The following CTNND2 variants were observed in gnomAD, a reference collection of about 807,000 sequenced individuals.
CTNND2 encodes catenin delta 2.
CTNND2 carries 22 observed loss-of-function variants against 144.4 expected under a neutral mutation model. The observed-to-expected ratio is 0.15, with a 90% CI of 0.11 to 0.22. The LOEUF (loss-of-function observed/expected upper bound fraction) is 0.22. Ranked by LOEUF, CTNND2 falls within the 10% of genes least tolerant of loss-of-function variation. CTNND2 has a pLI of 1.00. For missense variants in CTNND2, 1,353 were observed against 1,618.8 expected (o/e 0.84, Z 2.82); for synonymous variants, 751 against 695.6 (o/e 1.08, Z -1.25).
At chr5:11,593,544 G>A (rs1164672601) in intron 2 of CTNND2, among the ~76,000 whole-genome samples, 1 of 152,170 alleles carries the variant, frequency 6.6e-6, no homozygotes, top group Non-Finnish European at 1.5e-5. Flanking sequence ...GGACCTGGTG[G>A]GAGGTAACTG....
rs78473080 is a variant in CTNND2, at chr5:11,715,990, C to T, written c.174+16146G>A. Among the ~76,000 whole-genome samples the T allele has an allele frequency of 2.9e-3, 434 of 152,242 alleles. 3 individuals carry two copies. Among genetic ancestry groups the T allele is most frequent in the African/African-American group, 0.01 (416 of 41,562 alleles). ...CTCTCTATCGTAGACAAGCAGACTT[C>T]GTTCAATACATAATAATGCTGGCAT... On this transcript the variant is annotated intron_variant, in intron 2 of 21. Transcript: ENST00000304623.
intron 2 of CTNND2, among the ~76,000 whole-genome samples, chr5:11,684,835 C>A (rs1441830933): frequency 6.6e-6 from 1 of 152,196 alleles, no homozygotes; most frequent in East Asian, 1.9e-4. Flanking sequence ...TCTTCAACTG[C>A]CTTAAAACAG....
At chr5:11,656,155 T>C (rs1420530836) in intron 2 of CTNND2, among the ~76,000 whole-genome samples, 1 of 152,102 alleles carries the variant, frequency 6.6e-6, no homozygotes. Flanking sequence ...AGACCCACGT[T>C]TCAAGCAAGA....
At chr5:11,551,043 C>T (rs1476215681) in intron 3 of CTNND2, among the ~76,000 whole-genome samples, 1 of 152,196 alleles carries the variant, frequency 6.6e-6, no homozygotes, top group Admixed American at 6.5e-5. Flanking sequence ...GCCACCCTCT[C>T]TAACGTGCAC....
chr5:11,014,497 A>C (rs1741407204), intron 18 of CTNND2, among the ~76,000 whole-genome samples: 1 of 152,214 alleles, frequency 6.6e-6, no homozygotes. Flanking sequence ...AGGGTGATGC[A>C]TTCTTTAGCC....
At chr5:11,522,792 T>C (rs1581404051) in intron 3 of CTNND2, among the ~76,000 whole-genome samples, 2 of 152,264 alleles carry the variant, frequency 1.3e-5, no homozygotes, top group African/African-American at 4.8e-5. Flanking sequence ...AGACACAGGT[T>C]TTTTTCTTGA....
chr5:11,449,476 T>C (rs1053297170), intron 3 of CTNND2, among the ~76,000 whole-genome samples: 8 of 152,148 alleles, frequency 5.3e-5, no homozygotes, highest in African/African-American at 1.9e-4. Context: ...ACGCTAGTTG[T>C]CTCCTACCTA....
intron 18 of CTNND2, among the ~76,000 whole-genome samples, 158 bp downstream of exon 18, chr5:11,017,816 A>AG (rs1163034581): frequency 6.6e-6 from 1 of 152,084 alleles, no homozygotes; most frequent in Non-Finnish European, 1.5e-5. Flanking sequence ...GGAGCTACTC[A>AG]GGGGACACAT....
intron 9 of CTNND2, among the ~76,000 whole-genome samples, chr5:11,270,281 GTATAGTTA>G (rs747305631): frequency 8.9e-4 from 136 of 151,958 alleles, no homozygotes; most frequent in African/African-American, 2.7e-3. Flanking sequence ...TATAATATAT[GTATAGTTA>G]TATAGTTATA....
chr5:11,397,232 G>A (rs1270669670), intron 5 of CTNND2, 29 bp from the exon 6 acceptor site: 1 of 1,597,516 alleles, frequency 6.3e-7, no homozygotes, highest in Non-Finnish European at 8.6e-7. Flanking sequence ...AGAGCAGTCA[G>A]TGACAGTCTC....
chr5:11,763,423 A>T (rs534078822), intron 1 of CTNND2, among the ~76,000 whole-genome samples: 2 of 151,774 alleles, frequency 1.3e-5, no homozygotes, highest in East Asian at 1.9e-4. Flanking sequence ...TGGACTAAAA[A>T]CTCCTGTAGG....
chr5:11,106,082 G>T (rs1311329378), intron 14 of CTNND2, among the ~76,000 whole-genome samples: 2 of 152,174 alleles, frequency 1.3e-5, no homozygotes, highest in Non-Finnish European at 2.9e-5. Flanking sequence ...TGCATGAAGT[G>T]ATAATAAAAA....
intron 1 of CTNND2, among the ~76,000 whole-genome samples, chr5:11,770,011 G>C (rs1789825044): frequency 6.6e-6 from 1 of 152,146 alleles, no homozygotes; most frequent in Admixed American, 6.5e-5. Context: ...AGAATTCAGG[G>C]GGAAAGTATG....
At position 11,438,794 on chromosome 5, in the gene CTNND2, G is replaced by A. The variant is rs180701323; in HGVS notation, c.288-26725C>T. ...TAATCCCTTCCGAAAGACATGCTTC[G>A]ATTTTAACTTTATTAGCAATAGCAG... On this transcript the variant is annotated intron_variant, in intron 3 of 21. Coordinates refer to ENST00000304623, the MANE Select transcript of CTNND2 (RefSeq NM_001332.4). Among the ~76,000 whole-genome samples, 46 of 152,138 alleles carry A rather than the reference G, an allele frequency of 3.0e-4. 1 individual carries two copies. The highest frequency in any genetic ancestry group is 1.4e-3 in the East Asian group (7 of 5,146).
chr5:11,312,229 C>T (rs1310451216), intron 9 of CTNND2, among the ~76,000 whole-genome samples: 3 of 150,210 alleles, frequency 2.0e-5, no homozygotes, highest in Admixed American at 6.6e-5. Context: ...CCCATACAGC[C>T]TCACCCCACA....
intron 1 of CTNND2, among the ~76,000 whole-genome samples, chr5:11,843,241 G>C (rs1013467449): frequency 1.3e-5 from 2 of 152,166 alleles, no homozygotes; most frequent in African/African-American, 4.8e-5. Context: ...CTCATTAGTA[G>C]TTCCCAATGC....
At chr5:11,201,494 T>G (rs1358370624) in intron 10 of CTNND2, among the ~76,000 whole-genome samples, 1 of 152,240 alleles carries the variant, frequency 6.6e-6, no homozygotes, top group Non-Finnish European at 1.5e-5. Context: ...AAATAGAGCA[T>G]GCTTCATTCA....
intron 1 of CTNND2, among the ~76,000 whole-genome samples, chr5:11,878,631 G>A (rs923094453): frequency 6.6e-6 from 1 of 152,216 alleles, no homozygotes; most frequent in African/African-American, 2.4e-5. Context: ...GAAGTTTGCA[G>A]TGTAAGATCC....
chr5:11,243,567 G>A (rs988432133), intron 9 of CTNND2, among the ~76,000 whole-genome samples: 1 of 152,132 alleles, frequency 6.6e-6, no homozygotes, highest in African/African-American at 2.4e-5. Flanking sequence ...ATTTGTGACT[G>A]GGCTTCACTT....
Sources: allele counts gnomAD v4.1 joint callset (sites outside exome capture counted in the v4.1 genomes callset), GRCh38; gene constraint gnomAD v4.1.1; transcripts MANE v1.5; gene names NCBI Gene and HGNC (gene_info 2026-07-23, HGNC 2026-07-21).